The following JAZF1 variants were observed in gnomAD, a reference collection of about 807,000 sequenced individuals.
JAZF1 encodes the protein JAZF zinc finger 1, also known as juxtaposed with another zinc finger protein 1.
In JAZF1, 8 loss-of-function variants were observed where a neutral mutation model predicts 26.4. That is an observed-to-expected ratio of 0.30 (90% CI 0.18 to 0.55). JAZF1 has a LOEUF of 0.55. JAZF1 is among the 20% of genes least tolerant of loss of function. JAZF1 has a pLI of 0.94. For missense variants in JAZF1, 199 were observed against 322.0 expected (o/e 0.62, Z 2.92); for synonymous variants, 126 against 122.3 (o/e 1.03, Z -0.20).
At chr7:28,083,823 G>A (rs140141707) in intron 1 of JAZF1, among the ~76,000 whole-genome samples, 1 of 151,838 alleles carries the variant, frequency 6.6e-6, no homozygotes, top group East Asian at 2.0e-4. Context: ...TTACAACATT[G>A]TAACATTGTT....
chr7:27,899,679 C>A (rs1326661100), intron 2 of JAZF1, among the ~76,000 whole-genome samples: 1 of 152,114 alleles, frequency 6.6e-6, no homozygotes, highest in Non-Finnish European at 1.5e-5. Flanking sequence ...AAGCAATCCT[C>A]CCACCCAAAG....
At chr7:28,139,350 C>G (rs770441506) in intron 1 of JAZF1, among the ~76,000 whole-genome samples, 40 of 152,176 alleles carry the variant, frequency 2.6e-4, no homozygotes, top group African/African-American at 9.2e-4. Flanking sequence ...AAGTTCTAAC[C>G]CCTGGTACAT....
At chr7:27,997,587 C>CA (rs908435263) in intron 1 of JAZF1, among the ~76,000 whole-genome samples, 1 of 152,152 alleles carries the variant, frequency 6.6e-6, no homozygotes, top group Admixed American at 6.5e-5. Context: ...TCTTAAGAGT[C>CA]AAAGTCTTGC....
At chr7:27,953,959 T>C (rs1301508249) in intron 2 of JAZF1, among the ~76,000 whole-genome samples, 1 of 152,216 alleles carries the variant, frequency 6.6e-6, no homozygotes, top group Non-Finnish European at 1.5e-5. Context: ...GCATACATCC[T>C]GAGCTAGATG....
At chr7:27,894,573 ATG>A (rs1784027453) in intron 3 of JAZF1, among the ~76,000 whole-genome samples, 1 of 152,182 alleles carries the variant, frequency 6.6e-6, no homozygotes, top group Non-Finnish European at 1.5e-5. Flanking sequence ...GCACATCCAC[ATG>A]TGTGTCAGGG....
intron 1 of JAZF1, among the ~76,000 whole-genome samples, chr7:28,147,015 C>T (rs115311083): frequency 0.015 from 2,325 of 152,076 alleles, 57 homozygotes; most frequent in African/African-American, 0.053. Flanking sequence ...CGCCACTACA[C>T]TTGGCTAATT....
At chr7:27,965,385 T>C (rs946966762) in intron 2 of JAZF1, among the ~76,000 whole-genome samples, 1 of 152,210 alleles carries the variant, frequency 6.6e-6, no homozygotes, top group African/African-American at 2.4e-5. Context: ...TCACAAAGCA[T>C]AGATACATAT....
chr7:27,846,758 A>G (rs1051726008), intron 3 of JAZF1, among the ~76,000 whole-genome samples: 2 of 152,098 alleles, frequency 1.3e-5, no homozygotes, highest in African/African-American at 4.8e-5. Context: ...GTTTCTTTGG[A>G]AAAATGCCTA....
intron 1 of JAZF1, among the ~76,000 whole-genome samples, chr7:28,017,552 G>A (rs1161278575): frequency 6.6e-6 from 1 of 152,112 alleles, no homozygotes; most frequent in Non-Finnish European, 1.5e-5. Context: ...CAGACCTTCT[G>A]GGTGCAAAGG....
At chr7:28,177,977 C>T (rs911991734) in intron 1 of JAZF1, among the ~76,000 whole-genome samples, 10 of 152,328 alleles carry the variant, frequency 6.6e-5, no homozygotes, top group African/African-American at 2.2e-4. Flanking sequence ...GTTTGAGCCT[C>T]TTCATCCTGG....
At chr7:27,938,458 C>A (rs541484694) in intron 2 of JAZF1, among the ~76,000 whole-genome samples, 113 of 152,336 alleles carry the variant, frequency 7.4e-4, no homozygotes, top group African/African-American at 2.6e-3. Context: ...GTAGCGATTT[C>A]ATGGAGGTCC....
chr7:28,159,438 C>T (rs949076272), intron 1 of JAZF1, among the ~76,000 whole-genome samples: 3 of 151,652 alleles, frequency 2.0e-5, no homozygotes, highest in Non-Finnish European at 4.4e-5. Context: ...AGAGGAGGAC[C>T]GTGAGTGGGT....
intron 1 of JAZF1, among the ~76,000 whole-genome samples, chr7:28,178,960 G>A (rs781236510): frequency 1.3e-5 from 2 of 152,166 alleles, no homozygotes; most frequent in East Asian, 1.9e-4. Context: ...ATTCTAAACA[G>A]GCATTCAACA....
chr7:27,893,104 A>G (rs1784000103), intron 3 of JAZF1, among the ~76,000 whole-genome samples: 1 of 152,174 alleles, frequency 6.6e-6, no homozygotes, highest in African/African-American at 2.4e-5. Context: ...CCCTAATCAG[A>G]GCAACTAAGT....
At chr7:27,986,213 C>T (rs1266596996) in intron 2 of JAZF1, among the ~76,000 whole-genome samples, 1 of 152,104 alleles carries the variant, frequency 6.6e-6, no homozygotes, top group Non-Finnish European at 1.5e-5. Flanking sequence ...TTTAGAAAAC[C>T]CCATCGTCTC....
At chr7:28,049,501 C>T (rs1380084708) in intron 1 of JAZF1, among the ~76,000 whole-genome samples, 14 of 152,136 alleles carry the variant, frequency 9.2e-5, no homozygotes, top group Non-Finnish European at 1.5e-5. Context: ...CAACTGGTGT[C>T]CTACAATATA....
rs1179974547 is a variant in JAZF1 at position 27,856,589 on chromosome 7, G to C, written c.386-15722C>G. On this transcript the variant is annotated intron_variant, in intron 3 of 4. Coordinates refer to ENST00000283928, the MANE Select transcript of JAZF1 (RefSeq NM_175061.4). ...GAGAGCTGATTGGTCCATTTTGACA[G>C]GGTGCTGATTGGTGCGTTTACAATC... is the stretch of plus-strand genomic sequence containing the variant. Among the ~76,000 whole-genome samples the C allele has an allele frequency of 1.3e-5, 2 of 152,202 alleles. 1 individual carries two copies. The highest frequency in any genetic ancestry group is 3.8e-4 in the East Asian group (2 of 5,204).
At chr7:28,047,528 C>T (rs1020106717) in intron 1 of JAZF1, among the ~76,000 whole-genome samples, 3 of 152,124 alleles carry the variant, frequency 2.0e-5, no homozygotes, top group East Asian at 1.9e-4. Flanking sequence ...ATCTCATAGA[C>T]GTTTTTTGTT....
intron 1 of JAZF1, among the ~76,000 whole-genome samples, chr7:28,042,359 CAGA>C (rs1358517448): frequency 2.0e-5 from 3 of 152,078 alleles, no homozygotes; most frequent in Admixed American, 6.5e-5. Flanking sequence ...TGGAGAAGCA[CAGA>C]AGAATTCTGA....
Sources: allele counts gnomAD v4.1 joint callset (sites outside exome capture counted in the v4.1 genomes callset), GRCh38; gene constraint gnomAD v4.1.1; transcripts MANE v1.5; gene names NCBI Gene and HGNC (gene_info 2026-07-23, HGNC 2026-07-21).